Variants in ITPR3 observed in about 807,000 individuals in gnomAD.
ITPR3 encodes inositol 1,4,5-trisphosphate-gated calcium channel ITPR3.
A neutral mutation model predicts 293.2 loss-of-function variants in ITPR3; 173 were observed. The ratio of observed to expected loss-of-function variants is 0.59; its 90% confidence interval spans 0.52 to 0.67. ITPR3 has a LOEUF of 0.67. ITPR3 is among the 30% of genes least tolerant of loss of function. The pLI is 0.00. For synonymous variants in ITPR3, 1,295 were observed against 1,444.4 expected (o/e 0.90, Z 2.35); for missense variants, 2,796 against 3,592.1 (o/e 0.78, Z 5.66).
Position 33,667,783 on chromosome 6 carries a change from C to A in ITPR3, c.1714-9C>A, listed in dbSNP as rs1057401066. 6.2e-7 allele frequency: 1 copy of A among 1,612,752 alleles called. No homozygotes were observed. Among genetic ancestry groups the A allele is most frequent in the South Asian group, 1.1e-5 (1 of 90,960 alleles). ...CTCTCTGTGACCCCCAGCCTGTCTG[C>A]CCCCCCAGGAGCACATTGCCAAGCA... On this transcript the variant is annotated splice_polypyrimidine_tract_variant and intron_variant, in intron 15 of 57. Coordinates refer to ENST00000605930, the MANE Select transcript of ITPR3 (RefSeq NM_002224.4). This position sits in a 1 kb window ranked among gnomAD's most constrained non-coding sequence, Gnocchi z 4.4.
At position 33,682,503 on chromosome 6, in the gene ITPR3, G is replaced by A. The variant is rs1220643767; in HGVS notation, c.4477-21G>A. ...GGGTGGGGGCCTGGGCTGCAGCAGC[G>A]GGCTCTGTGACTTCTTGCAGACACA... On this transcript the variant is annotated intron_variant, in intron 33 of 57. Transcript: ENST00000605930. The surrounding 1 kb of genome is among the most constrained non-coding windows in gnomAD (Gnocchi z 5.4). 10 of 1,497,554 alleles carry A rather than the reference G, an allele frequency of 6.7e-6. No individual in the cohort carries two copies. Among genetic ancestry groups the A allele is most frequent in the Admixed American group, 2.3e-5 (1 of 42,618 alleles). 92.8% of individuals were successfully genotyped at this position (1,497,554 alleles called of 1,614,324 possible).
At position 33,664,282 on chromosome 6, in the gene ITPR3, G is replaced by A. The variant is rs1764553856; in HGVS notation, c.1148+402G>A. 1.3e-5 allele frequency among the ~76,000 whole-genome samples: 2 copies of A among 151,898 alleles called. No homozygotes were observed. Among genetic ancestry groups the A allele is most frequent in the South Asian group, 2.1e-4 (1 of 4,658 alleles). ...TACAGGCTTTGGCGTGTCCTTAGCT[G>A]TATGACCTCAGGCTGCTACTCACTC... On this transcript the variant is annotated intron_variant, in intron 11 of 57. Transcript: ENST00000605930. This position sits in a 1 kb window ranked among gnomAD's most constrained non-coding sequence, Gnocchi z 4.4.
chr6:33,656,921 G>A (rs1282391705), intron 3 of ITPR3, among the ~76,000 whole-genome samples: 1 of 152,204 alleles, frequency 6.6e-6, no homozygotes, highest in Non-Finnish European at 1.5e-5. Context: ...TGGGCTGCCT[G>A]AGCTCTAGTA....
Position 33,688,040 on chromosome 6 carries a change from G to T in ITPR3, c.6265-17G>T, listed in dbSNP as rs112402155. The stretch of plus-strand genomic sequence containing the variant: ...GTGGAGGCTGGGGCCTGACCTCCGC[G>T]CCCTCCCCACCTCCAGCTCAGCCTC... On this transcript the variant is annotated splice_polypyrimidine_tract_variant and intron_variant, in intron 46 of 57. Transcript: ENST00000605930. 6.2e-7 allele frequency: 1 copy of T among 1,603,990 alleles called. No individual in the cohort carries two copies. Among genetic ancestry groups the T allele is most frequent in the East Asian group, 2.2e-5 (1 of 44,766 alleles).
Position 33,684,441 on chromosome 6 carries a change from C to G in ITPR3, c.5022C>G (p.Leu1674=). ...KVLRTLQQML[L]KKTKYGDRGN... is the part of the protein sequence containing the mutation. ...TGCGGACCCTGCAGCAGATGCTGCT[C>G]AAGAAGACCAAGTACGGGGACCGGG... The change falls in exon 37 of 58, where the codon CTC becomes CTG. Residue 1674 remains leucine (L), a synonymous_variant. Coordinates refer to ENST00000605930, the MANE Select transcript of ITPR3 (RefSeq NM_002224.4). The surrounding 1 kb of genome is among the most constrained non-coding windows in gnomAD (Gnocchi z 4.2). 6.2e-7 allele frequency: 1 copy of G among 1,613,954 alleles called. No homozygotes were observed. The highest frequency in any genetic ancestry group is 2.2e-5 in the East Asian group (1 of 44,876).
In ITPR3 at chr6:33,687,473, C is replaced by T. The variant is rs372359071; in HGVS notation, c.6178-5C>T. 22 of 1,609,698 alleles carry T rather than the reference C, an allele frequency of 1.4e-5. No homozygotes were observed. The African/African-American group carries it at 2.3e-4, about 17-fold the overall frequency. ...CCCTGGTGACTGTGCTGCCATTTCC[C>T]TCAGCTCTCCAGGCACAATAAACAG... On this transcript the variant is annotated splice_polypyrimidine_tract_variant and splice_region_variant and intron_variant, in intron 45 of 57. Transcript: ENST00000605930. The surrounding 1 kb of genome is among the most constrained non-coding windows in gnomAD (Gnocchi z 5.3).
chr6:33,683,234 T>TGGACCTGGATGCCCAC lies in ITPR3; in HGVS notation c.4626_4641dup (p.Ile1548GlyfsTer51). 6.4e-7 allele frequency: 1 copy of TGGACCTGGATGCCCAC among 1,550,426 alleles called. No homozygotes were observed. The highest frequency in any genetic ancestry group is 8.7e-7 in the Non-Finnish European group (1 of 1,143,450). On this transcript the variant is annotated frameshift_variant, in exon 35 of 58. Transcript: ENST00000605930. LOFTEE classifies it high-confidence loss of function. The surrounding 1 kb of genome is among the most constrained non-coding windows in gnomAD (Gnocchi z 4.5). The stretch of plus-strand genomic sequence containing the variant: ...AAGGGCCGGGCCATCTTGCTGCCCA[T>TGGACCTGGATGCCCAC]GGACCTGGATGCCCACATCAGCTCG...
rs1763865925 is a variant in ITPR3, at chr6:33,638,045, G to A, written c.90-2439G>A. Among the ~76,000 whole-genome samples the A allele has an allele frequency of 6.6e-6, 1 of 151,418 alleles. No individual in the cohort carries two copies. Among genetic ancestry groups the A allele is most frequent in the Admixed American group, 6.6e-5 (1 of 15,168 alleles). On this transcript the variant is annotated intron_variant, in intron 1 of 57. Coordinates refer to ENST00000605930, the MANE Select transcript of ITPR3 (RefSeq NM_002224.4). This position sits in a 1 kb window ranked among gnomAD's most constrained non-coding sequence, Gnocchi z 4.3. The stretch of plus-strand genomic sequence containing the variant: ...TGTTGAGATGAAGTCTTGCTCTTTC[G>A]CCCAGGCTGAAGTGCAGTGGCGTGA...
intron 51 of ITPR3, among the ~76,000 whole-genome samples, 167 bp downstream of exon 51, chr6:33,690,365 C>T (rs1765357939): frequency 6.6e-6 from 1 of 152,166 alleles, no homozygotes; most frequent in African/African-American, 2.4e-5. Flanking sequence ...CAAGCCTGGC[C>T]CTCAAGGCCC....
chr6:33,654,575 C>T lies in ITPR3; in HGVS notation c.161-1191C>T, dbSNP rs145526927. ...CTTGGGACTGGATGACCAGCTTTGACCAGAGAAAAGACACAGCTTTCTTAG... is the reference window on the plus strand; with the variant it reads ...CTTGGGACTGGATGACCAGCTTTGATCAGAGAAAAGACACAGCTTTCTTAG... On this transcript the variant is annotated intron_variant, in intron 2 of 57. Coordinates refer to ENST00000605930, the MANE Select transcript of ITPR3 (RefSeq NM_002224.4). The surrounding 1 kb of genome is among the most constrained non-coding windows in gnomAD (Gnocchi z 4.1). Among the ~76,000 whole-genome samples, 1 of 152,148 alleles carries T rather than the reference C, an allele frequency of 6.6e-6. No homozygotes were observed.
intron 42 of ITPR3, 38 bp downstream of exon 42, chr6:33,686,291 G>T (rs1226230007): frequency 6.2e-7 from 1 of 1,606,868 alleles, no homozygotes; most frequent in African/African-American, 1.3e-5. Flanking sequence ...AGCCAGGGTG[G>T]CAGTGTGGAC....
intron 1 of ITPR3, among the ~76,000 whole-genome samples, chr6:33,636,570 G>A (rs1233978398): frequency 1.3e-5 from 2 of 151,960 alleles, no homozygotes; most frequent in African/African-American, 4.8e-5. Context: ...ATAGGTCCAA[G>A]GTTTTTGGAC....
At position 33,687,608 on chromosome 6, in the gene ITPR3, C is replaced by T. The variant is rs377730099; in HGVS notation, c.6264+44C>T. 9 of 1,466,420 alleles carry T rather than the reference C, an allele frequency of 6.1e-6. No individual in the cohort carries two copies. The highest frequency in any genetic ancestry group is 1.7e-4 in the Middle Eastern group (1 of 5,734). 90.8% of individuals were successfully genotyped at this position (1,466,420 alleles called of 1,614,324 possible). On this transcript the variant is annotated intron_variant, in intron 46 of 57. Coordinates refer to ENST00000605930, the MANE Select transcript of ITPR3 (RefSeq NM_002224.4). The surrounding 1 kb of genome is among the most constrained non-coding windows in gnomAD (Gnocchi z 5.3). ...ACTGGGGTGGGGGTGGGGCCTGGAACCCAGGGAGGACACTTGACCCAAGGG... is the reference window on the plus strand; with the variant it reads ...ACTGGGGTGGGGGTGGGGCCTGGAATCCAGGGAGGACACTTGACCCAAGGG...
chr6:33,641,294 G>A (rs780768282), intron 2 of ITPR3, among the ~76,000 whole-genome samples: 24 of 152,214 alleles, frequency 1.6e-4, no homozygotes, highest in Non-Finnish European at 3.2e-4. Context: ...GGTCCTGGGC[G>A]TGTTGGGCAG....
In ITPR3 at chr6:33,687,783, G is replaced by A. The variant is rs1765276187; in HGVS notation, c.6264+219G>A. Reference sequence around the variant, plus strand: ...AGGTGGGTCTAGGGTGGGTCTGGAAGCTTCAAGCAGGACCCGGGCTACACT... The same window carrying A: ...AGGTGGGTCTAGGGTGGGTCTGGAAACTTCAAGCAGGACCCGGGCTACACT... On this transcript the variant is annotated intron_variant, in intron 46 of 57. Transcript: ENST00000605930. The surrounding 1 kb of genome is among the most constrained non-coding windows in gnomAD (Gnocchi z 5.3). 1.3e-5 allele frequency among the ~76,000 whole-genome samples: 2 copies of A among 152,152 alleles called. No individual in the cohort carries two copies. Among genetic ancestry groups the A allele is most frequent in the South Asian group, 4.1e-4 (2 of 4,836 alleles).
At position 33,684,982 on chromosome 6, in the gene ITPR3, C is replaced by A; in HGVS notation, c.5307+39C>A. The A allele has an allele frequency of 6.4e-7, 1 of 1,569,282 alleles. No homozygotes were observed. Among genetic ancestry groups the A allele is most frequent in the Non-Finnish European group, 8.7e-7 (1 of 1,155,130 alleles). On this transcript the variant is annotated intron_variant, in intron 39 of 57. Transcript: ENST00000605930. The surrounding 1 kb of genome is among the most constrained non-coding windows in gnomAD (Gnocchi z 4.2). The stretch of plus-strand genomic sequence containing the variant: ...GGGGCCTGGACATGCCCTCCTTTGC[C>A]TCCCTCCCTTTTTGGAGGAGGTGGG...
rs653536 is a variant in ITPR3, at chr6:33,692,634, T to C, written c.7459-94T>C. 1,183,620 of 1,291,400 alleles carry C rather than the reference T, an allele frequency of 0.92. 543,112 individuals are homozygous for C. The highest frequency in any genetic ancestry group is 1 in the East Asian group (42,809 of 42,964). The allele number at this position is 1,291,400 out of a possible 1,614,324, so 80.0% of individuals were successfully genotyped here. A position where few individuals can be genotyped will look rare whatever the true frequency, so the allele number is the denominator to read the frequency against. ...TTTCCTTCTGCTAGGGGCTGGGTCC[T>C]CAATATCACAGCCCTGGCCCCAACC... On this transcript the variant is annotated intron_variant, in intron 54 of 57. Transcript: ENST00000605930. This position sits in a 1 kb window ranked among gnomAD's most constrained non-coding sequence, Gnocchi z 4.2.
chr6:33,678,941 A>G (rs1406530723), intron 30 of ITPR3, 102 bp downstream of exon 30: 2 of 1,151,286 alleles, frequency 1.7e-6, no homozygotes. Context: ...ACGGTGGGTC[A>G]CAAAAGGAAC....
At position 33,671,159 on chromosome 6, in the gene ITPR3, T is replaced by C; in HGVS notation, c.2587-6T>C. 6.2e-7 allele frequency: 1 copy of C among 1,613,036 alleles called. No homozygotes were observed. The highest frequency in any genetic ancestry group is 8.5e-7 in the Non-Finnish European group (1 of 1,179,732). Reference sequence around the variant, plus strand: ...CCACCTCACCTCGGCCACGCCCCCTTCGCAGGTGGTCAGCCTGGCGCACAA... The same window carrying C: ...CCACCTCACCTCGGCCACGCCCCCTCCGCAGGTGGTCAGCCTGGCGCACAA... On this transcript the variant is annotated splice_polypyrimidine_tract_variant and splice_region_variant and intron_variant, in intron 20 of 57. Coordinates refer to ENST00000605930, the MANE Select transcript of ITPR3 (RefSeq NM_002224.4).
Sources: allele counts gnomAD v4.1 joint callset (sites outside exome capture counted in the v4.1 genomes callset), GRCh38; gene constraint gnomAD v4.1.1; non-coding constraint Gnocchi (gnomAD v3.1); transcripts MANE v1.5; gene names NCBI Gene and HGNC (gene_info 2026-07-23, HGNC 2026-07-21).